The following TMOD1 variants were observed in gnomAD, a reference collection of about 807,000 sequenced individuals.
The protein encoded by TMOD1 is tropomodulin-1.
Under a neutral mutation model 40.6 loss-of-function variants are expected in TMOD1, and 17 were observed. The ratio of observed to expected loss-of-function variants is 0.42; its 90% CI spans 0.29 to 0.63. The LOEUF (loss-of-function observed/expected upper bound fraction) is 0.63. TMOD1 is among the 20% of genes least tolerant of loss of function. TMOD1 has a pLI of 0.22. For missense variants in TMOD1, 391 were observed against 447.6 expected (o/e 0.87, Z 1.14); for synonymous variants, 181 against 175.0 (o/e 1.03, Z -0.27).
At chr9:97,548,965 C>A (rs1232373347) in intron 3 of TMOD1, among the ~76,000 whole-genome samples, 1 of 152,150 alleles carries the variant, frequency 6.6e-6, no homozygotes, top group Non-Finnish European at 1.5e-5. Context: ...CCACACCAGG[C>A]CTACAGTCAG....
chr9:97,526,803 C>T lies in TMOD1; in HGVS notation c.120+2495C>T, dbSNP rs1346774647. ...CATCCTTCCTAGACCTCAATGTCCC[C>T]AGCCATGGAATAGCAGAGTTGGTTG... On this transcript the variant is annotated intron_variant, in intron 2 of 9. Coordinates refer to ENST00000259365, the MANE Select transcript of TMOD1 (RefSeq NM_003275.4). Among the ~76,000 whole-genome samples the T allele has an allele frequency of 2.6e-5, 4 of 152,184 alleles. 1 individual carries two copies. The highest frequency in any genetic ancestry group is 9.7e-5 in the African/African-American group (4 of 41,430).
At chr9:97,505,116 G>A (rs897732146) in intron 1 of TMOD1, among the ~76,000 whole-genome samples, 1 of 152,166 alleles carries the variant, frequency 6.6e-6, no homozygotes, top group Non-Finnish European at 1.5e-5. Flanking sequence ...CTTAGGACAC[G>A]GTCTGGGAGG....
chr9:97,563,748 G>A (rs558690376), intron 5 of TMOD1, among the ~76,000 whole-genome samples: 22 of 152,300 alleles, frequency 1.4e-4, no homozygotes, highest in African/African-American at 3.4e-4. Context: ...CATGAGCCCC[G>A]GGAAAATGAC....
chr9:97,599,547 G>C, intron 9 of TMOD1, 87 bp from the exon 10 acceptor site: 2 of 1,547,762 alleles, frequency 1.3e-6, no homozygotes, highest in South Asian at 2.3e-5. Context: ...CAATTAGTGC[G>C]AGGTTTCACA....
chr9:97,583,397 T>G lies in TMOD1; in HGVS notation c.871-7894T>G, dbSNP rs1415933924. On this transcript the variant is annotated intron_variant, in intron 8 of 9. Transcript: ENST00000259365. ...GCTTTTTGATGTGCTGCTGGATTCG[T>G]TTTGCCAGTATTTTATTGAGGATTT... Among the ~76,000 whole-genome samples the G allele has an allele frequency of 5.8e-3, 866 of 148,668 alleles. 6 individuals are homozygous for G. The highest frequency in any genetic ancestry group is 0.02 in the African/African-American group (820 of 40,134).
chr9:97,571,801 C>T (rs1021098156), intron 8 of TMOD1, among the ~76,000 whole-genome samples: 13 of 152,220 alleles, frequency 8.5e-5, no homozygotes, highest in Admixed American at 2.0e-4. Flanking sequence ...GTGATGTCAG[C>T]CTGGCTTTTC....
chr9:97,558,693 C>T (rs1340281524), intron 4 of TMOD1, among the ~76,000 whole-genome samples: 1 of 152,188 alleles, frequency 6.6e-6, no homozygotes, highest in Non-Finnish European at 1.5e-5. Flanking sequence ...ATCCACCCAC[C>T]TCGGCCTCCC....
chr9:97,545,608 T>C (rs960578540), intron 2 of TMOD1, among the ~76,000 whole-genome samples: 1 of 152,172 alleles, frequency 6.6e-6, no homozygotes, highest in African/African-American at 2.4e-5. Flanking sequence ...CCAGAGAGCA[T>C]GCCCCGTCCT....
chr9:97,502,698 G>T lies in TMOD1; in HGVS notation c.-49+895G>T, dbSNP rs1023066244. 6.6e-6 allele frequency among the ~76,000 whole-genome samples: 1 copy of T among 152,196 alleles called. No individual in the cohort carries two copies. The highest frequency in any genetic ancestry group is 2.1e-4 in the South Asian group (1 of 4,834). On this transcript the variant is annotated intron_variant, in intron 1 of 9. Transcript: ENST00000259365. The surrounding 1 kb of genome is among the most constrained non-coding windows in gnomAD (Gnocchi z 6.1). ...GAGACTGACTGCCCCAGACTCGATC[G>T]TATCCTGGGACTCACTAAGGCCGTC...
chr9:97,536,910 A>G (rs1830193668), intron 2 of TMOD1, among the ~76,000 whole-genome samples: 1 of 152,056 alleles, frequency 6.6e-6, no homozygotes, highest in Non-Finnish European at 1.5e-5. Flanking sequence ...AAGTGATAAA[A>G]ATTCCTTGTT....
intron 1 of TMOD1, among the ~76,000 whole-genome samples, chr9:97,522,665 G>A (rs927399630): frequency 3.9e-5 from 6 of 152,132 alleles, no homozygotes; most frequent in Middle Eastern, 3.4e-3. Context: ...GGGCTAAAGC[G>A]ATCCTCCCAC....
At position 97,599,920 on chromosome 9, in the gene TMOD1, A is replaced by T; in HGVS notation, c.*222A>T. The T allele has an allele frequency of 1.5e-6, 2 of 1,311,526 alleles. No individual in the cohort carries two copies. The highest frequency in any genetic ancestry group is 2.0e-6 in the Non-Finnish European group (2 of 1,023,600). 81.2% of individuals were successfully genotyped at this position (1,311,526 alleles called of 1,614,324 possible). A position where few individuals can be genotyped will look rare whatever the true frequency, so the allele number is the denominator to read the frequency against. On this transcript the variant is annotated 3_prime_UTR_variant, in exon 10 of 10. Transcript: ENST00000259365. ...TTAGTCACAGAAGTTGAATCTGGTT[A>T]TTATTTAAAAACTAGAAGCCCCCAA...
At chr9:97,536,540 C>T (rs1830188002) in intron 2 of TMOD1, among the ~76,000 whole-genome samples, 2 of 152,116 alleles carry the variant, frequency 1.3e-5, no homozygotes, top group Non-Finnish European at 2.9e-5. Context: ...AGGGGAGTCT[C>T]CACTCCCCTG....
At chr9:97,559,794 A>ATAT (rs1554683057) in intron 4 of TMOD1, among the ~76,000 whole-genome samples, 46 of 23,156 alleles carry the variant, frequency 2.0e-3, no homozygotes, top group African/African-American at 5.2e-3. Context: ...AAAAAAAAAA[A>ATAT]ATATATATAT....
At chr9:97,550,632 G>C (rs1830436359) in intron 3 of TMOD1, among the ~76,000 whole-genome samples, 1 of 152,136 alleles carries the variant, frequency 6.6e-6, no homozygotes, top group Non-Finnish European at 1.5e-5. Context: ...ATGATGTTGA[G>C]CATCTTTTCA....
chr9:97,568,940 A>C lies in TMOD1; in HGVS notation c.773A>C (p.Asn258Thr). 3.1e-6 allele frequency: 5 copies of C among 1,614,190 alleles called. No individual in the cohort carries two copies. Among genetic ancestry groups the C allele is most frequent in the Non-Finnish European group, 3.4e-6 (4 of 1,180,028 alleles). The change falls in exon 8 of 10, where the codon AAT becomes ACT. Residue 258 changes from asparagine to threonine, a missense_variant. By Grantham distance (65) the Asn-to-Thr change is moderately conservative. Transcript: ENST00000259365. Reference sequence around the variant, plus strand: ...GAGAACAAGGTGTTGAAGACACTGAATGTGGAATCCAACTTCATTTCTGGA... The same window carrying C: ...GAGAACAAGGTGTTGAAGACACTGACTGTGGAATCCAACTTCATTTCTGGA... ...LKENKVLKTLNVESNFISGAG... is the reference protein window; with the variant it reads ...LKENKVLKTLTVESNFISGAG...
chr9:97,556,213 C>G (rs1037562740), intron 4 of TMOD1, among the ~76,000 whole-genome samples: 3 of 152,158 alleles, frequency 2.0e-5, no homozygotes, highest in African/African-American at 7.2e-5. Context: ...AAGAGCCCAG[C>G]TGTTCCTAGT....
intron 2 of TMOD1, among the ~76,000 whole-genome samples, chr9:97,536,693 C>T (rs1439813673): frequency 2.0e-5 from 3 of 152,078 alleles, no homozygotes; most frequent in Admixed American, 6.5e-5. Flanking sequence ...CTCGGTCCAG[C>T]GTATGACTTC....
rs561279142 is a variant in TMOD1 at position 97,562,432 on chromosome 9, C to T, written c.398-300C>T. Among the ~76,000 whole-genome samples, 6 of 152,214 alleles carry T rather than the reference C, an allele frequency of 3.9e-5. No homozygotes were observed. The South Asian group carries it at 1.2e-3, about 32-fold the overall frequency. ...CAGGATGACAAGATGGAAAGAGAGC[C>T]TTCCAAAGAAAGAGGCTGTCACTGG... On this transcript the variant is annotated intron_variant, in intron 4 of 9. Coordinates refer to ENST00000259365, the MANE Select transcript of TMOD1 (RefSeq NM_003275.4).
Sources: allele counts gnomAD v4.1 joint callset (sites outside exome capture counted in the v4.1 genomes callset), GRCh38; gene constraint gnomAD v4.1.1; non-coding constraint Gnocchi (gnomAD v3.1); transcripts MANE v1.5; gene names NCBI Gene and HGNC (gene_info 2026-07-23, HGNC 2026-07-21).